OSBPL11: variants seen among roughly 807,000 people sequenced by gnomAD.
OSBPL11 encodes oxysterol-binding protein-related protein 11.
In OSBPL11, 33 loss-of-function variants were observed where a neutral mutation model predicts 84.4. The ratio of observed to expected loss-of-function variants is 0.39; its 90% CI spans 0.30 to 0.52. The LOEUF is 0.52. Ranked by LOEUF, OSBPL11 falls within the 20% of genes least tolerant of loss-of-function variation. OSBPL11 has a pLI of 0.72. For missense variants in OSBPL11, 736 were observed against 901.1 expected, an observed-to-expected ratio of 0.82 and a Z score of 2.35; for synonymous variants, 276 against 310.2, an observed-to-expected ratio of 0.89 and a Z score of 1.16.
At chr3:125,588,243 GA>G (rs1247446741) in intron 1 of OSBPL11, among the ~76,000 whole-genome samples, 1 of 138,614 alleles carries the variant, frequency 7.2e-6, no homozygotes, top group Non-Finnish European at 1.6e-5. Context: ...AAAAAAAAAA[GA>G]GAAGTTCAGT....
chr3:125,534,585 TA>T (rs745764119), intron 11 of OSBPL11, among the ~76,000 whole-genome samples: 243 of 140,160 alleles, frequency 1.7e-3, no homozygotes, highest in Middle Eastern at 3.6e-3. Flanking sequence ...GTTCATGAGT[TA>T]AAAAAAAAAA....
chr3:125,547,768 G>C (rs1433220066), intron 9 of OSBPL11, among the ~76,000 whole-genome samples, 176 bp from the exon 10 acceptor site: 3 of 152,150 alleles, frequency 2.0e-5, no homozygotes, highest in Admixed American at 2.0e-4. Context: ...CCAGGCAATA[G>C]TGAATCAGGT....
chr3:125,573,171 A>G (rs1936268435), intron 5 of OSBPL11, among the ~76,000 whole-genome samples: 1 of 151,984 alleles, frequency 6.6e-6, no homozygotes, highest in Non-Finnish European at 1.5e-5. Context: ...AAACTGTTTT[A>G]GTGATGGTTC....
chr3:125,548,237 A>G (rs1438891754), intron 9 of OSBPL11, among the ~76,000 whole-genome samples: 1 of 152,200 alleles, frequency 6.6e-6, no homozygotes, highest in African/African-American at 2.4e-5. Flanking sequence ...TGGTATGCTA[A>G]AATTTTATCA....
intron 10 of OSBPL11, among the ~76,000 whole-genome samples, chr3:125,539,058 T>C (rs1935683441): frequency 6.6e-6 from 1 of 151,830 alleles, no homozygotes; most frequent in African/African-American, 2.4e-5. Context: ...ATCCCTACAT[T>C]TGAAGTTCTG....
At chr3:125,571,217 G>C (rs1936237749) in intron 5 of OSBPL11, among the ~76,000 whole-genome samples, 1 of 152,214 alleles carries the variant, frequency 6.6e-6, no homozygotes, top group African/African-American at 2.4e-5. Context: ...GAACTTGAGA[G>C]AGATGATTTA....
intron 3 of OSBPL11, among the ~76,000 whole-genome samples, chr3:125,579,563 T>G (rs963885503): frequency 6.6e-5 from 10 of 152,148 alleles, no homozygotes; most frequent in African/African-American, 2.4e-4. Context: ...AGTAAAGGGG[T>G]GAAATACATA....
At chr3:125,542,285 C>A (rs1289187363) in intron 10 of OSBPL11, among the ~76,000 whole-genome samples, 1 of 151,176 alleles carries the variant, frequency 6.6e-6, no homozygotes, top group African/African-American at 2.4e-5. Flanking sequence ...CAATGATTAA[C>A]ACAAAGCAAA....
intron 1 of OSBPL11, among the ~76,000 whole-genome samples, chr3:125,594,155 T>C (rs1346184443): frequency 6.6e-6 from 1 of 152,228 alleles, no homozygotes; most frequent in Non-Finnish European, 1.5e-5. Context: ...CAATTACTTA[T>C]GTACATTCCC....
chr3:125,549,408 A>G (rs1038457156), intron 9 of OSBPL11, among the ~76,000 whole-genome samples: 2 of 152,238 alleles, frequency 1.3e-5, no homozygotes, highest in Non-Finnish European at 2.9e-5. Flanking sequence ...GTAGCAGCAC[A>G]ATAAAAAATT....
At chr3:125,565,208 C>G (rs1444915840) in intron 6 of OSBPL11, among the ~76,000 whole-genome samples, 2 of 151,900 alleles carry the variant, frequency 1.3e-5, no homozygotes, top group Non-Finnish European at 2.9e-5. Context: ...GGTGCCACTG[C>G]ACTCCCGCCT....
intron 2 of OSBPL11, among the ~76,000 whole-genome samples, chr3:125,581,252 C>T (rs2107609840): frequency 6.6e-6 from 1 of 152,080 alleles, no homozygotes; most frequent in Non-Finnish European, 1.5e-5. Context: ...CCACCATGCC[C>T]AGCTAATTTT....
chr3:125,565,918 C>G (rs911223690), intron 6 of OSBPL11, among the ~76,000 whole-genome samples: 1 of 152,030 alleles, frequency 6.6e-6, no homozygotes, highest in Admixed American at 6.6e-5. Context: ...GTCTTTGCAG[C>G]TTCTCTGTGC....
chr3:125,559,750 A>T (rs1461091118), intron 8 of OSBPL11, among the ~76,000 whole-genome samples: 1 of 151,896 alleles, frequency 6.6e-6, no homozygotes. Flanking sequence ...TTGGTCTTGA[A>T]CTTCTGACCT....
chr3:125,554,368 T>C (rs1935958956), intron 8 of OSBPL11, among the ~76,000 whole-genome samples: 1 of 152,184 alleles, frequency 6.6e-6, no homozygotes, highest in Non-Finnish European at 1.5e-5. Flanking sequence ...AAGTATGAGA[T>C]GAAAAAATTT....
At chr3:125,572,422 A>G (rs1046318930) in intron 5 of OSBPL11, among the ~76,000 whole-genome samples, 11 of 152,184 alleles carry the variant, frequency 7.2e-5, no homozygotes, top group African/African-American at 2.2e-4. Flanking sequence ...TGAGGAGATG[A>G]GATTTGGGAG....
At chr3:125,545,169 G>A (rs1270897582) in intron 10 of OSBPL11, among the ~76,000 whole-genome samples, 2 of 152,184 alleles carry the variant, frequency 1.3e-5, no homozygotes, top group Non-Finnish European at 2.9e-5. Flanking sequence ...GAGAGCTACT[G>A]AAGAAGACAC....
At position 125,579,021 on chromosome 3, in the gene OSBPL11, C is replaced by T; in HGVS notation, c.428G>A (p.Arg143Gln). Residue 143 changes from arginine (R) to glutamine (Q), a missense_variant, in exon 4 of 13, where the codon CGA (arginine) becomes CAA (glutamine). Coordinates refer to ENST00000296220, the MANE Select transcript of OSBPL11 (RefSeq NM_022776.5). ...YKLRATDAKE[R>Q]QHWVSRLQIC... ...CTGAAGTCTGCTAACCCAGTGCTGT[C>T]GCTCTTTTGCATCTGTAGCTGTTAA... is the stretch of plus-strand genomic sequence containing the variant. 1.9e-6 allele frequency: 3 copies of T among 1,591,136 alleles called. No individual in the cohort carries two copies. Among genetic ancestry groups the T allele is most frequent in the Non-Finnish European group, 2.6e-6 (3 of 1,168,208 alleles).
At chr3:125,549,542 C>G (rs1366414338) in intron 9 of OSBPL11, among the ~76,000 whole-genome samples, 1 of 152,152 alleles carries the variant, frequency 6.6e-6, no homozygotes, top group Non-Finnish European at 1.5e-5. Context: ...AGTACAGTGG[C>G]ACGATCATGG....
Sources: gnomAD v4.1 joint callset for allele counts (sites outside exome capture counted in the v4.1 genomes callset) on GRCh38, gnomAD v4.1.1 for gene constraint, MANE v1.5 for transcripts, NCBI Gene and HGNC (gene_info 2026-07-23, HGNC 2026-07-21) for gene names.